Variants in CSMD1 observed in about 807,000 individuals in gnomAD.
CSMD1 encodes CUB and sushi domain-containing protein 1.
Under a neutral mutation model 417.5 loss-of-function variants are expected in CSMD1, and 213 were observed. The ratio of observed to expected loss-of-function variants is 0.51; its 90% CI spans 0.46 to 0.57. The LOEUF is 0.57. Ranked by LOEUF, CSMD1 falls within the 20% of genes least tolerant of loss-of-function variation. The pLI is 0.00. For synonymous variants in CSMD1, 2,862 were observed against 1,736.8 expected, an observed-to-expected ratio of 1.65 and a Z score of -16.11; for missense variants, 6,923 against 4,529.7, an observed-to-expected ratio of 1.53 and a Z score of -15.17.
At chr8:4,866,363 T>C (rs57382645) in intron 1 of CSMD1, among the ~76,000 whole-genome samples, 2,951 of 152,096 alleles carry the variant, frequency 0.019, 117 homozygotes, top group African/African-American at 0.066. Context: ...AAATAACAAC[T>C]ACTGTCTTTG....
chr8:3,108,826 T>G, intron 43 of CSMD1, 78 bp from the exon 44 acceptor site: 1 of 1,370,612 alleles, frequency 7.3e-7, no homozygotes, highest in Non-Finnish European at 9.9e-7. Context: ...GGCTAATGAA[T>G]TAATTTTTTT....
intron 6 of CSMD1, among the ~76,000 whole-genome samples, chr8:3,725,026 A>G (rs1264441375): frequency 6.6e-6 from 1 of 152,226 alleles, no homozygotes. Flanking sequence ...TATTCTGGGA[A>G]GAGGCCCATT....
chr8:4,353,750 T>C (rs1279371642), intron 3 of CSMD1, among the ~76,000 whole-genome samples: 2 of 150,492 alleles, frequency 1.3e-5, no homozygotes, highest in Non-Finnish European at 2.9e-5. Context: ...TGGAGATTTC[T>C]TTTTTTGCCC....
intron 5 of CSMD1, among the ~76,000 whole-genome samples, chr8:3,967,462 A>T (rs1458015843): frequency 4.6e-5 from 7 of 151,878 alleles, no homozygotes; most frequent in African/African-American, 1.7e-4. Context: ...AAAAGGAAAA[A>T]AAAAAAAACA....
At chr8:3,775,843 T>C (rs1376395428) in intron 5 of CSMD1, among the ~76,000 whole-genome samples, 1 of 152,206 alleles carries the variant, frequency 6.6e-6, no homozygotes, top group Non-Finnish European at 1.5e-5. Flanking sequence ...CGCGCAGGGT[T>C]GTTACTGACC....
intron 17 of CSMD1, among the ~76,000 whole-genome samples, chr8:3,394,412 G>C (rs897533913): frequency 6.6e-6 from 1 of 151,594 alleles, no homozygotes; most frequent in Non-Finnish European, 1.5e-5. Flanking sequence ...AAATGACTTG[G>C]ATAAACAAAT....
chr8:4,336,100 T>C (rs906501661), intron 3 of CSMD1, among the ~76,000 whole-genome samples: 1 of 152,238 alleles, frequency 6.6e-6, no homozygotes, highest in Admixed American at 6.5e-5. Context: ...TGATGAGAAA[T>C]AGTGTAAGTA....
chr8:4,220,715 G>C (rs1000280163), intron 3 of CSMD1, among the ~76,000 whole-genome samples: 8 of 152,202 alleles, frequency 5.3e-5, no homozygotes, highest in Non-Finnish European at 1.0e-4. Flanking sequence ...TGCATGCATT[G>C]AGCAATTCAC....
intron 2 of CSMD1, among the ~76,000 whole-genome samples, chr8:4,632,654 G>A (rs1467243198): frequency 1.3e-5 from 2 of 152,190 alleles, no homozygotes; most frequent in Non-Finnish European, 2.9e-5. Context: ...GAGCCCCATT[G>A]CGAGGTAACT....
At chr8:3,673,203 T>C (rs1172733922) in intron 7 of CSMD1, among the ~76,000 whole-genome samples, 1 of 152,212 alleles carries the variant, frequency 6.6e-6, no homozygotes, top group African/African-American at 2.4e-5. Flanking sequence ...CAACCACATA[T>C]GCCCCTGTGC....
chr8:3,192,638 G>A (rs547838303), intron 33 of CSMD1, among the ~76,000 whole-genome samples: 1 of 152,262 alleles, frequency 6.6e-6, no homozygotes, highest in South Asian at 2.1e-4. Context: ...CTGGTGGGCA[G>A]CCATTTTATA....
At chr8:4,070,604 A>T (rs548749252) in intron 3 of CSMD1, among the ~76,000 whole-genome samples, 1 of 151,972 alleles carries the variant, frequency 6.6e-6, no homozygotes, top group African/African-American at 2.4e-5. Flanking sequence ...TGATCCACCC[A>T]CCTCGGCCTC....
intron 2 of CSMD1, among the ~76,000 whole-genome samples, chr8:4,431,053 G>A (rs1013214147): frequency 2.6e-5 from 4 of 152,212 alleles, no homozygotes; most frequent in Admixed American, 6.5e-5. Context: ...AACTCGTGGA[G>A]TGTCCATTTT....
intron 39 of CSMD1, among the ~76,000 whole-genome samples, chr8:3,152,710 G>C (rs1819274961): frequency 6.6e-6 from 1 of 152,190 alleles, no homozygotes; most frequent in Non-Finnish European, 1.5e-5. Context: ...TTCTGGAAAA[G>C]TCTTGGACAC....
intron 20 of CSMD1, among the ~76,000 whole-genome samples, chr8:3,364,630 A>G (rs1051058638): frequency 3.3e-5 from 5 of 152,178 alleles, no homozygotes; most frequent in African/African-American, 4.8e-5. Flanking sequence ...ACCCACCCTC[A>G]TTAATGGATT....
At chr8:4,613,618 G>C (rs1419829306) in intron 2 of CSMD1, among the ~76,000 whole-genome samples, 2 of 152,270 alleles carry the variant, frequency 1.3e-5, no homozygotes, top group East Asian at 1.9e-4. Context: ...TTTTTGCTAA[G>C]TGACTTGAGC....
intron 23 of CSMD1, among the ~76,000 whole-genome samples, chr8:3,312,653 A>G (rs937904618): frequency 6.6e-6 from 1 of 152,198 alleles, no homozygotes; most frequent in African/African-American, 2.4e-5. Flanking sequence ...TTGAAGGACT[A>G]GAGAAACATC....
At chr8:3,676,891 A>C (rs536386704) in intron 7 of CSMD1, among the ~76,000 whole-genome samples, 1 of 152,244 alleles carries the variant, frequency 6.6e-6, no homozygotes, top group Non-Finnish European at 1.5e-5. Flanking sequence ...TTCTCAGCAA[A>C]TTAACACAAG....
intron 3 of CSMD1, among the ~76,000 whole-genome samples, chr8:4,145,832 A>C (rs1321096009): frequency 6.6e-6 from 1 of 151,224 alleles, no homozygotes; most frequent in Non-Finnish European, 1.5e-5. Flanking sequence ...AATGGCTTCC[A>C]GGAAGCAGAG....
Sources: gnomAD v4.1 joint callset for allele counts (sites outside exome capture counted in the v4.1 genomes callset) on GRCh38, gnomAD v4.1.1 for gene constraint, MANE v1.5 for transcripts, NCBI Gene and HGNC (gene_info 2026-07-23, HGNC 2026-07-21) for gene names.